PGM3: variants seen among roughly 807,000 people sequenced by gnomAD.
PGM3 encodes the protein phosphoacetylglucosamine mutase.
In PGM3, 40 loss-of-function variants were observed where a neutral mutation model predicts 66.2. That is an observed-to-expected ratio of 0.60 (90% confidence interval 0.47 to 0.79). The LOEUF (loss-of-function observed/expected upper bound fraction) is 0.79, where lower values mean the gene tolerates loss of function less well. Among genes scored for constraint, PGM3 ranks in the 30% least tolerant of loss-of-function variants. The pLI is 0.00. For missense variants in PGM3, 537 were observed against 643.4 expected, an observed-to-expected ratio of 0.83 and a Z score of 1.79; for synonymous variants, 191 against 224.2, an observed-to-expected ratio of 0.85 and a Z score of 1.32.
intron 2 of PGM3, chr6:83,190,570 T>G (rs1788966366): frequency 2.0e-6 from 1 of 501,454 alleles, no homozygotes; most frequent in Non-Finnish European, 3.5e-6. Flanking sequence ...ACATTGTTAT[T>G]TCTCTAATAT....
chr6:83,193,756 CG>C (rs1230835136), upstream of PGM3: 1 of 153,098 alleles, frequency 6.5e-6, no homozygotes, highest in Non-Finnish European at 1.5e-5. Context: ...GCCGTCTCCC[CG>C]GGTACCCCCT....
intron 8 of PGM3, among the ~76,000 whole-genome samples, chr6:83,178,234 T>C (rs1562419683): frequency 6.6e-6 from 1 of 152,342 alleles, no homozygotes; most frequent in Non-Finnish European, 1.5e-5. Flanking sequence ...AATAAAACTT[T>C]TCATACCTCT....
the PGM3 span, chr6:83,151,580 T>G: frequency 6.3e-7 from 1 of 1,586,890 alleles, no homozygotes; most frequent in Non-Finnish European, 8.5e-7. Context: ...TGTTTTCTCT[T>G]TGGCCCTTTT....
chr6:83,158,610 A>C, downstream of PGM3: 1 of 1,605,614 alleles, frequency 6.2e-7, no homozygotes, highest in Non-Finnish European at 8.5e-7. Flanking sequence ...ACTGCTGATG[A>C]AGATATTTCA....
intron 2 of PGM3, among the ~76,000 whole-genome samples, chr6:83,190,112 G>A (rs1242211111): frequency 6.6e-6 from 1 of 152,182 alleles, no homozygotes; most frequent in Non-Finnish European, 1.5e-5. Context: ...TTGAGCGTAC[G>A]TCTTAAGTAT....
chr6:83,173,531 T>C (rs1291573541), intron 10 of PGM3, among the ~76,000 whole-genome samples: 2 of 151,950 alleles, frequency 1.3e-5, no homozygotes, highest in Admixed American at 6.5e-5. Context: ...CTCTGTTTCT[T>C]CACTTATAAA....
At chr6:83,186,143 C>A (rs953903832) in intron 4 of PGM3, among the ~76,000 whole-genome samples, 4 of 152,164 alleles carry the variant, frequency 2.6e-5, no homozygotes, top group Middle Eastern at 3.2e-3. Flanking sequence ...GTCCACAGGT[C>A]CTCTGCAGCT....
At position 83,190,971 on chromosome 6, in the gene PGM3, G is replaced by A. The variant is rs1277674472; in HGVS notation, c.42C>T (p.Ala14=). ...ATTGAAGGATCAGTCCATTGGGCTT[G>A]GCGTGTAATGCTGAGTATTTTGTAA... ...GAITKYSALH[A]KPNGLILQYG... Residue 14 remains alanine, a synonymous_variant, in exon 2 of 13, where the codon GCC becomes GCT. Transcript: ENST00000513973. 6.8e-6 allele frequency: 11 copies of A among 1,613,984 alleles called. No individual in the cohort carries two copies. Among genetic ancestry groups the A allele is most frequent in the Admixed American group, 1.7e-5 (1 of 60,004 alleles).
chr6:83,186,207 C>T (rs1243000123), intron 4 of PGM3, among the ~76,000 whole-genome samples: 1 of 152,080 alleles, frequency 6.6e-6, no homozygotes, highest in Non-Finnish European at 1.5e-5. Flanking sequence ...TTACAATACC[C>T]ACCAGATTTG....
In PGM3 at chr6:83,175,956, A is replaced by G. The variant is rs1323955428; in HGVS notation, c.1128+6T>C. The G allele has an allele frequency of 6.4e-7, 1 of 1,553,056 alleles. No individual in the cohort carries two copies. Among genetic ancestry groups the G allele is most frequent in the Non-Finnish European group, 8.9e-7 (1 of 1,124,334 alleles). ...GCTAAGGCCAACTATAATTAAGAGA[A>G]CTTACAGTGCCATGCCCATTTGCTT... On this transcript the variant is annotated splice_donor_region_variant and intron_variant, in intron 9 of 12. Transcript: ENST00000513973.
chr6:83,177,518 G>T (rs1020857558), intron 8 of PGM3, among the ~76,000 whole-genome samples: 5 of 152,088 alleles, frequency 3.3e-5, no homozygotes, highest in Non-Finnish European at 5.9e-5. Flanking sequence ...TCAATCACAG[G>T]CTAATTTGCT....
At chr6:83,155,440 T>A in the PGM3 span, among the ~76,000 whole-genome samples, 1 of 151,850 alleles carries the variant, frequency 6.6e-6, no homozygotes, top group Non-Finnish European at 1.5e-5. Flanking sequence ...TCAGACTGGG[T>A]GACAGAGGAA....
At chr6:83,191,536 T>C (rs943433826) in intron 1 of PGM3, among the ~76,000 whole-genome samples, 2 of 152,188 alleles carry the variant, frequency 1.3e-5, no homozygotes, top group African/African-American at 4.8e-5. Context: ...TACAGAGACA[T>C]ATTCTTAAAG....
At position 83,168,384 on chromosome 6, in the gene PGM3, C is replaced by CTA. The variant is rs1468457446; in HGVS notation, c.*848_*849dup. ...ATACTGATTATGGTGCCTAAGAGAGCTATATATATACACATGTAAAGTCCA... is the reference window on the plus strand; with the variant it reads ...ATACTGATTATGGTGCCTAAGAGAGCTATATATATATACACATGTAAAGTCCA... On this transcript the variant is annotated 3_prime_UTR_variant, in exon 13 of 13. Transcript: ENST00000513973. The CTA allele has an allele frequency of 6.7e-6, 9 of 1,352,522 alleles. No homozygotes were observed. Among genetic ancestry groups the CTA allele is most frequent in the South Asian group, 3.4e-5 (2 of 58,602 alleles). 83.8% of individuals were successfully genotyped at this position (1,352,522 alleles called of 1,614,324 possible).
chr6:83,169,498 A>G (rs1786616016), intron 12 of PGM3, 175 bp from the exon 13 acceptor site: 1 of 697,944 alleles, frequency 1.4e-6, no homozygotes, highest in Non-Finnish European at 2.3e-6. Flanking sequence ...CAAAGCCCTT[A>G]AATAAACGGA....
chr6:83,162,730 C>A, downstream of PGM3: 1 of 1,527,944 alleles, frequency 6.5e-7, no homozygotes, highest in South Asian at 1.3e-5. Context: ...ATTATGTGGC[C>A]TAATCTTAGA....
rs963854970 is a variant in PGM3 at position 83,166,419 on chromosome 6, G to A, written c.*2815C>T. On this transcript the variant is annotated 3_prime_UTR_variant, in exon 13 of 13. Coordinates refer to ENST00000513973, the MANE Select transcript of PGM3 (RefSeq NM_015599.3). ...ACTGTATGTTCATTAGCAGTTCCTGGGCCAAATGCATTGTTGATGTTGTGT... is the reference window on the plus strand; with the variant it reads ...ACTGTATGTTCATTAGCAGTTCCTGAGCCAAATGCATTGTTGATGTTGTGT... 3 of 701,680 alleles carry A rather than the reference G, an allele frequency of 4.3e-6. No homozygotes were observed. The African/African-American group carries it at 5.2e-5, about 12-fold the overall frequency. The allele number at this position is 701,680 out of a possible 1,614,324, so 43.5% of individuals were successfully genotyped here. A position where few individuals can be genotyped will look rare whatever the true frequency, so the allele number is the denominator to read the frequency against.
downstream of PGM3, among the ~76,000 whole-genome samples, chr6:83,159,273 G>A (rs1783622787): frequency 6.6e-6 from 1 of 151,972 alleles, no homozygotes; most frequent in Admixed American, 6.6e-5. Flanking sequence ...CATAATATAA[G>A]TTATGTACTA....
rs1785783271 is a variant in PGM3 at position 83,166,756 on chromosome 6, G to A, written c.*2478C>T. The A allele has an allele frequency of 1.8e-6, 2 of 1,108,190 alleles. No homozygotes were observed. The highest frequency in any genetic ancestry group is 2.2e-6 in the Non-Finnish European group (2 of 910,548). The allele number at this position is 1,108,190 out of a possible 1,614,324, so 68.6% of individuals were successfully genotyped here. A position where few individuals can be genotyped will look rare whatever the true frequency, so the allele number is the denominator to read the frequency against. On this transcript the variant is annotated 3_prime_UTR_variant, in exon 13 of 13. Coordinates refer to ENST00000513973, the MANE Select transcript of PGM3 (RefSeq NM_015599.3). ...GAGAGCACATAGAAGAAAATAAGCT[G>A]GATTTTGCATCTGCTTGACCCACTA... is the stretch of plus-strand genomic sequence containing the variant.
Sources: gnomAD v4.1 joint callset for allele counts (sites outside exome capture counted in the v4.1 genomes callset) on GRCh38, gnomAD v4.1.1 for gene constraint, MANE v1.5 for transcripts, NCBI Gene and HGNC (gene_info 2026-07-23, HGNC 2026-07-21) for gene names.